Variants in TENM3 observed in about 807,000 individuals in gnomAD.
TENM3 encodes teneurin-3.
Under a neutral mutation model 255.1 loss-of-function variants are expected in TENM3, and 63 were observed. The observed-to-expected ratio is 0.25, with a 90% CI of 0.20 to 0.30. The LOEUF is 0.30. Among genes scored for constraint, TENM3 ranks in the 10% least tolerant of loss-of-function variants. The pLI, the probability that TENM3 is intolerant of heterozygous loss-of-function variation, is 1.00. For synonymous variants in TENM3, 1,306 were observed against 1,322.3 expected, an observed-to-expected ratio of 0.99 and a Z score of 0.27; for missense variants, 2,929 against 3,461.1, an observed-to-expected ratio of 0.85 and a Z score of 3.86.
intron 19 of TENM3, among the ~76,000 whole-genome samples, chr4:182,749,558 G>A (rs1219427285): frequency 6.6e-6 from 1 of 152,144 alleles, no homozygotes; most frequent in Non-Finnish European, 1.5e-5. Flanking sequence ...CTGTTCTAAG[G>A]ATCTTACATA....
At chr4:182,718,084 C>T (rs1759353982) in intron 13 of TENM3, among the ~76,000 whole-genome samples, 2 of 152,082 alleles carry the variant, frequency 1.3e-5, no homozygotes, top group African/African-American at 4.8e-5. Flanking sequence ...AACAGGAAAA[C>T]CTTCTCCTTT....
chr4:181,540,550 A>G, the TENM3 span, among the ~76,000 whole-genome samples: 1 of 152,186 alleles, frequency 6.6e-6, no homozygotes, highest in African/African-American at 2.4e-5. Flanking sequence ...ATGCAAGCTG[A>G]CACCAACAAC....
chr4:181,753,467 G>T, the TENM3 span, among the ~76,000 whole-genome samples: 1 of 151,978 alleles, frequency 6.6e-6, no homozygotes, highest in African/African-American at 2.4e-5. Flanking sequence ...CAGAGATCTG[G>T]CTAGTGGTCT....
the TENM3 span, among the ~76,000 whole-genome samples, chr4:181,584,991 C>T: frequency 1.8e-4 from 23 of 124,810 alleles, no homozygotes; most frequent in African/African-American, 6.1e-4. Flanking sequence ...GCAACATAAA[C>T]GTATCCAGTG....
At chr4:182,566,094 C>T (rs928026967) in intron 3 of TENM3, among the ~76,000 whole-genome samples, 1 of 152,174 alleles carries the variant, frequency 6.6e-6, no homozygotes, top group Non-Finnish European at 1.5e-5. Flanking sequence ...CTGGGAAGAA[C>T]CTCTGCTACC....
At chr4:182,472,424 G>T (rs544398928) in intron 3 of TENM3, among the ~76,000 whole-genome samples, 3 of 152,150 alleles carry the variant, frequency 2.0e-5, no homozygotes, top group South Asian at 4.1e-4. Context: ...TTGAATATTT[G>T]ATTTTCTAGA....
the TENM3 span, among the ~76,000 whole-genome samples, chr4:181,866,372 C>T: frequency 6.6e-6 from 1 of 152,148 alleles, no homozygotes; most frequent in Non-Finnish European, 1.5e-5. Context: ...TGCTCCTCCA[C>T]GCGGTTACTT....
the TENM3 span, among the ~76,000 whole-genome samples, chr4:181,745,777 G>T: frequency 1.3e-5 from 2 of 152,286 alleles, 1 homozygote; most frequent in Non-Finnish European, 2.9e-5. Context: ...TTGTGATTGG[G>T]GAGGGAGAAT....
At chr4:181,524,354 G>A in the TENM3 span, among the ~76,000 whole-genome samples, 1 of 152,162 alleles carries the variant, frequency 6.6e-6, no homozygotes, top group Non-Finnish European at 1.5e-5. Flanking sequence ...AACCTCTTTA[G>A]CAAATACCTT....
chr4:181,617,580 A>G, the TENM3 span, among the ~76,000 whole-genome samples: 1 of 152,328 alleles, frequency 6.6e-6, no homozygotes. Flanking sequence ...AAGATGCCAG[A>G]CAGGGACTTT....
intron 1 of TENM3, among the ~76,000 whole-genome samples, chr4:182,282,682 C>A (rs932666487): frequency 6.6e-6 from 1 of 152,046 alleles, no homozygotes; most frequent in Non-Finnish European, 1.5e-5. Context: ...CACCTGAGCT[C>A]AGGAGTTTGA....
chr4:181,566,046 C>A, the TENM3 span, among the ~76,000 whole-genome samples: 2 of 152,044 alleles, frequency 1.3e-5, no homozygotes, highest in African/African-American at 4.8e-5. Flanking sequence ...CAGAGTCCAA[C>A]TATTTCCACA....
intron 3 of TENM3, among the ~76,000 whole-genome samples, chr4:182,429,090 G>C (rs1324859098): frequency 6.6e-6 from 1 of 152,126 alleles, no homozygotes; most frequent in African/African-American, 2.4e-5. Flanking sequence ...TGGGTGATAT[G>C]TATTTGATGA....
intron 1 of TENM3, among the ~76,000 whole-genome samples, chr4:182,160,065 CGA>C: frequency 6.7e-6 from 1 of 149,154 alleles, no homozygotes; most frequent in Non-Finnish European, 1.5e-5. Context: ...TGCAGCGGTG[CGA>C]TCTCGGCTCA....
intron 4 of TENM3, among the ~76,000 whole-genome samples, chr4:182,627,414 G>A (rs1750920872): frequency 6.6e-6 from 1 of 152,032 alleles, no homozygotes; most frequent in African/African-American, 2.4e-5. Context: ...TGTCCTATTA[G>A]CCCCTTAATT....
the TENM3 span, among the ~76,000 whole-genome samples, chr4:181,448,259 C>A: frequency 2.9e-5 from 4 of 138,096 alleles, no homozygotes; most frequent in African/African-American, 8.0e-5. Flanking sequence ...CTCCGCCTCC[C>A]GGGTTCACGC....
the TENM3 span, among the ~76,000 whole-genome samples, chr4:181,669,385 A>G: frequency 6.6e-6 from 1 of 152,154 alleles, no homozygotes; most frequent in Admixed American, 6.5e-5. Flanking sequence ...AGTTGGACCA[A>G]GACTGTTTGG....
rs1579560455 is a variant in TENM3 at position 182,799,527 on chromosome 4, G to C, written c.7345-69G>C. 6.7e-7 allele frequency: 1 copy of C among 1,502,394 alleles called. No homozygotes were observed. The highest frequency in any genetic ancestry group is 8.8e-7 in the Non-Finnish European group (1 of 1,135,828). 93.1% of individuals were successfully genotyped at this position (1,502,394 alleles called of 1,614,324 possible). A position where few individuals can be genotyped will look rare whatever the true frequency, so the allele number is the denominator to read the frequency against. On this transcript the variant is annotated intron_variant, in intron 27 of 27. Coordinates refer to ENST00000511685, the MANE Select transcript of TENM3 (RefSeq NM_001080477.4). The surrounding 1 kb of genome is among the most constrained non-coding windows in gnomAD (Gnocchi z 4.2). The stretch of plus-strand genomic sequence containing the variant: ...GCCCCGGCGCTGCCCCCAGAGTCCC[G>C]TGTGTGGGTCAGGAGTGGGGAGGCT...
chr4:181,793,464 G>GT, the TENM3 span, among the ~76,000 whole-genome samples: 4 of 152,198 alleles, frequency 2.6e-5, no homozygotes, highest in Non-Finnish European at 5.9e-5. Context: ...AGCATCAGGA[G>GT]TCTCAGTCTC....
Sources: allele counts gnomAD v4.1 joint callset (sites outside exome capture counted in the v4.1 genomes callset), GRCh38; gene constraint gnomAD v4.1.1; non-coding constraint Gnocchi (gnomAD v3.1); transcripts MANE v1.5; gene names NCBI Gene and HGNC (gene_info 2026-07-23, HGNC 2026-07-21).